ZNF592: variants seen among roughly 807,000 people sequenced by gnomAD.
ZNF592 encodes the protein spinocerebellar ataxia, autosomal recessive 5.
Under a neutral mutation model 80.3 loss-of-function variants are expected in ZNF592, and 11 were observed. That is an observed-to-expected ratio of 0.14 (90% CI 0.09 to 0.23). The LOEUF (loss-of-function observed/expected upper bound fraction) is 0.23, where lower values mean the gene tolerates loss of function less well. Ranked by LOEUF, ZNF592 falls within the 10% of genes least tolerant of loss-of-function variation. The pLI is 1.00. For missense variants in ZNF592, 1,420 were observed against 1,633.9 expected (o/e 0.87, Z 2.26); for synonymous variants, 646 against 640.3 (o/e 1.01, Z -0.13).
intron 5 of ZNF592, among the ~76,000 whole-genome samples, chr15:84,795,337 C>T: frequency 6.6e-6 from 1 of 152,304 alleles, no homozygotes; most frequent in Middle Eastern, 3.4e-3. Flanking sequence ...TCTTAAAAAA[C>T]TGTGGTCAAG....
At chr15:84,755,102 CG>C (rs1206654748) in intron 1 of ZNF592, among the ~76,000 whole-genome samples, 1 of 145,052 alleles carries the variant, frequency 6.9e-6, no homozygotes, top group African/African-American at 2.5e-5. Flanking sequence ...GGACTACAGG[CG>C]TCCATCACCA....
intron 2 of ZNF592, among the ~76,000 whole-genome samples, chr15:84,776,301 T>G (rs1416033069): frequency 2.0e-5 from 3 of 152,280 alleles, no homozygotes; most frequent in Non-Finnish European, 4.4e-5. Flanking sequence ...TGGTTTGCTC[T>G]TCTCAACTTT....
Position 84,784,961 on chromosome 15 carries a change from GGA to G in ZNF592, c.2220+70_2220+71del. The G allele has an allele frequency of 1.3e-6, 2 of 1,574,658 alleles. No homozygotes were observed. Among genetic ancestry groups the G allele is most frequent in the Non-Finnish European group, 1.7e-6 (2 of 1,145,482 alleles). On this transcript the variant is annotated intron_variant, in intron 4 of 10. Transcript: ENST00000560079. The surrounding 1 kb of genome is among the most constrained non-coding windows in gnomAD (Gnocchi z 5.8). ...TCACACAGGTTCCATGACTGGGCAT[GGA>G]GAGGAAAGCTCATTGATATGGGGGC...
intron 10 of ZNF592, 128 bp downstream of exon 10, chr15:84,800,105 T>A: frequency 5.6e-6 from 8 of 1,418,052 alleles, no homozygotes; most frequent in Non-Finnish European, 7.9e-6. Flanking sequence ...TGTGGGTCAC[T>A]CTCTAGTCCT....
intron 1 of ZNF592, among the ~76,000 whole-genome samples, chr15:84,750,253 A>C (rs1411131715): frequency 6.6e-6 from 1 of 152,252 alleles, no homozygotes; most frequent in Admixed American, 6.5e-5. Context: ...CAGTGACCTG[A>C]GATCGTGCCG....
chr15:84,773,369 G>A (rs1415498654), intron 2 of ZNF592, among the ~76,000 whole-genome samples: 1 of 152,066 alleles, frequency 6.6e-6, no homozygotes, highest in Non-Finnish European at 1.5e-5. Context: ...CCGCCACCAA[G>A]CCCAGCTAAT....
chr15:84,767,214 T>G (rs528794387), intron 2 of ZNF592, among the ~76,000 whole-genome samples: 69 of 152,240 alleles, frequency 4.5e-4, no homozygotes, highest in African/African-American at 1.6e-3. Flanking sequence ...TTTTTTGTAT[T>G]TTTAGTTTCA....
Position 84,792,577 on chromosome 15 carries a change from G to GT in ZNF592, c.2399+1694_2399+1695insT, listed in dbSNP as rs1337200176. 3.9e-5 allele frequency among the ~76,000 whole-genome samples: 6 copies of GT among 151,940 alleles called. No homozygotes were observed. The East Asian group carries it at 1.2e-3, about 29-fold the overall frequency. ...GTGATCCTCCCATCTCGGCCTCCCA[G>GT]GTAGCTGGGACTACAGGCATGCACT... is the stretch of plus-strand genomic sequence containing the variant. On this transcript the variant is annotated intron_variant, in intron 5 of 10. Coordinates refer to ENST00000560079, the MANE Select transcript of ZNF592 (RefSeq NM_014630.3).
At position 84,798,238 on chromosome 15, in the gene ZNF592, G is replaced by T; in HGVS notation, c.2577-77G>T. On this transcript the variant is annotated intron_variant, in intron 6 of 10. Coordinates refer to ENST00000560079, the MANE Select transcript of ZNF592 (RefSeq NM_014630.3). The surrounding 1 kb of genome is among the most constrained non-coding windows in gnomAD (Gnocchi z 4.5). ...TAGTGCTTTCCCAAACTTGACCCTG[G>T]TTCAGAGAGAGCAGAGATGGGTGGA... 1 of 1,607,972 alleles carries T rather than the reference G, an allele frequency of 6.2e-7. No homozygotes were observed. The highest frequency in any genetic ancestry group is 8.5e-7 in the Non-Finnish European group (1 of 1,177,254).
At chr15:84,800,049 G>C (rs1019238576) in intron 10 of ZNF592, 72 bp downstream of exon 10, 90 of 1,609,892 alleles carry the variant, frequency 5.6e-5, no homozygotes, top group Non-Finnish European at 7.2e-5. Context: ...CATTAGGAAG[G>C]CTACTGTTGT....
chr15:84,779,525 C>A (rs1962359203), intron 3 of ZNF592, among the ~76,000 whole-genome samples: 2 of 151,896 alleles, frequency 1.3e-5, no homozygotes, highest in South Asian at 4.2e-4. Context: ...GTTTCTTATT[C>A]TTTTTAAAAA....
At chr15:84,771,588 C>G (rs1290337129) in intron 2 of ZNF592, among the ~76,000 whole-genome samples, 1 of 152,140 alleles carries the variant, frequency 6.6e-6, no homozygotes, top group Non-Finnish European at 1.5e-5. Flanking sequence ...GTATGTTTCA[C>G]AGCAAATTTT....
At chr15:84,795,260 ATGT>A (rs1047301509) in intron 5 of ZNF592, among the ~76,000 whole-genome samples, 14 of 152,196 alleles carry the variant, frequency 9.2e-5, no homozygotes, top group African/African-American at 3.1e-4. Flanking sequence ...AAAGTTAAAT[ATGT>A]TGTTTATTAT....
In ZNF592 at chr15:84,755,551, C is replaced by T. The variant is rs905774274; in HGVS notation, c.-259+6887C>T. On this transcript the variant is annotated intron_variant, in intron 1 of 10. Coordinates refer to ENST00000560079, the MANE Select transcript of ZNF592 (RefSeq NM_014630.3). ...CCAGGGCTAACTCAGAATAGACTTG[C>T]TTCTCTGTAAGGACAGAGTTTACAG... 4.6e-5 allele frequency among the ~76,000 whole-genome samples: 7 copies of T among 152,282 alleles called. No homozygotes were observed. The South Asian group carries it at 1.4e-3, about 32-fold the overall frequency.
At position 84,782,812 on chromosome 15, in the gene ZNF592, T is replaced by C. The variant is rs1313923432; in HGVS notation, c.137T>C (p.Ile46Thr). 1.9e-6 allele frequency: 3 copies of C among 1,614,022 alleles called. No homozygotes were observed. The highest frequency in any genetic ancestry group is 2.5e-6 in the Non-Finnish European group (3 of 1,180,014). ...GAGAGTCCCCTCAAACCTCCAGGCA[T>C]ATGTATGGATGAAAGTGTGTCCTTG... ...ENESPLKPPG[I>T]CMDESVSLSH... is the part of the protein sequence containing the mutation. Residue 46 changes from isoleucine to threonine, a missense_variant, in exon 4 of 11, where the codon ATA becomes ACA. Ile to Thr is a moderately conservative substitution (Grantham distance 89, BLOSUM62 -1). This residue lies in a region of ZNF592 where 373 missense variants were observed against 355.5 expected (regional missense o/e 1.05). Coordinates refer to ENST00000560079, the MANE Select transcript of ZNF592 (RefSeq NM_014630.3).
intron 1 of ZNF592, among the ~76,000 whole-genome samples, chr15:84,752,103 C>A (rs1253782917): frequency 1.3e-5 from 2 of 152,144 alleles, no homozygotes; most frequent in African/African-American, 4.8e-5. Flanking sequence ...CACGTTGCAT[C>A]TCAGTCATAC....
rs1232286526 is a variant in ZNF592 at position 84,798,892 on chromosome 15, A to C, written c.3024+17A>C. On this transcript the variant is annotated intron_variant, in intron 8 of 10. Coordinates refer to ENST00000560079, the MANE Select transcript of ZNF592 (RefSeq NM_014630.3). This position sits in a 1 kb window ranked among gnomAD's most constrained non-coding sequence, Gnocchi z 4.5. ...CACGGTCGGGTAAGTGCAGCCACAC[A>C]GTCATAATGCAGAGCCCAGTCCTCT... 1 of 1,598,118 alleles carries C rather than the reference A, an allele frequency of 6.3e-7. No individual in the cohort carries two copies.
At chr15:84,777,623 T>C (rs1387580057) in intron 2 of ZNF592, among the ~76,000 whole-genome samples, 1 of 151,530 alleles carries the variant, frequency 6.6e-6, no homozygotes, top group Non-Finnish European at 1.5e-5. Flanking sequence ...AATAATACAA[T>C]TTGAAACATA....
chr15:84,750,902 C>T (rs949220836), intron 1 of ZNF592, among the ~76,000 whole-genome samples: 15 of 152,130 alleles, frequency 9.9e-5, no homozygotes, highest in African/African-American at 3.1e-4. Context: ...ATGCCTCCCT[C>T]CTTAGTTTGG....
Sources: gnomAD v4.1 joint callset for allele counts (sites outside exome capture counted in the v4.1 genomes callset) on GRCh38, gnomAD v4.1.1 for gene constraint, gnomAD v4.1.1 regional missense constraint, Gnocchi (gnomAD v3.1) non-coding constraint, MANE v1.5 for transcripts, NCBI Gene and HGNC (gene_info 2026-07-23, HGNC 2026-07-21) for gene names.